UBE3D: variants seen among roughly 807,000 people sequenced by gnomAD.
The protein encoded by UBE3D is E3 ubiquitin-protein ligase E3D.
Under a neutral mutation model 49.6 loss-of-function variants are expected in UBE3D, and 48 were observed. The ratio of observed to expected loss-of-function variants is 0.97; its 90% confidence interval spans 0.77 to 1.23. UBE3D has a LOEUF of 1.23. Among genes scored for constraint, UBE3D ranks in the 50% most tolerant of loss-of-function variants. The pLI, the probability that UBE3D is intolerant of heterozygous loss-of-function variation, is 0.00. For missense variants in UBE3D, 452 were observed against 468.4 expected (o/e 0.96, Z 0.32); for synonymous variants, 189 against 174.2 (o/e 1.08, Z -0.67).
intron 9 of UBE3D, among the ~76,000 whole-genome samples, chr6:82,943,219 C>T (rs902863085): frequency 1.3e-5 from 2 of 152,202 alleles, no homozygotes; most frequent in Non-Finnish European, 2.9e-5. Flanking sequence ...TTACCTAATG[C>T]CTGTAACCCC....
chr6:82,884,317 T>A, the UBE3D span, among the ~76,000 whole-genome samples: 1 of 152,192 alleles, frequency 6.6e-6, no homozygotes, highest in African/African-American at 2.4e-5. Context: ...TAGAGGCACC[T>A]ACACCTCATA....
chr6:83,006,270 T>C (rs1423624441), intron 8 of UBE3D, among the ~76,000 whole-genome samples: 1 of 152,132 alleles, frequency 6.6e-6, no homozygotes, highest in Non-Finnish European at 1.5e-5. Flanking sequence ...TGTTATGGAC[T>C]GAATTGTGTC....
At chr6:82,985,950 G>A (rs1582553216) in intron 8 of UBE3D, among the ~76,000 whole-genome samples, 1 of 151,916 alleles carries the variant, frequency 6.6e-6, no homozygotes, top group South Asian at 2.1e-4. Context: ...ATATCTGATA[G>A]GGCTAGTCCT....
chr6:83,025,765 C>T (rs538718063), intron 5 of UBE3D, among the ~76,000 whole-genome samples: 16 of 151,854 alleles, frequency 1.1e-4, no homozygotes, highest in Admixed American at 5.9e-4. Flanking sequence ...CACCTGTAGT[C>T]CCAGCTACTC....
intron 3 of UBE3D, among the ~76,000 whole-genome samples, chr6:83,046,357 A>C (rs759755934): frequency 6.6e-6 from 1 of 152,114 alleles, no homozygotes; most frequent in Non-Finnish European, 1.5e-5. Context: ...CAGAGGACAA[A>C]GCTAGAAACA....
intron 9 of UBE3D, among the ~76,000 whole-genome samples, chr6:82,931,351 C>T (rs994886944): frequency 2.0e-5 from 3 of 152,228 alleles, no homozygotes; most frequent in African/African-American, 7.2e-5. Flanking sequence ...CCCACTGGTG[C>T]ACCACCTGGT....
intron 9 of UBE3D, among the ~76,000 whole-genome samples, chr6:82,925,562 T>C (rs577668420): frequency 6.6e-6 from 1 of 152,254 alleles, no homozygotes; most frequent in African/African-American, 2.4e-5. Flanking sequence ...GGAAGGGAAG[T>C]ATCTGTCTTT....
intron 5 of UBE3D, among the ~76,000 whole-genome samples, chr6:83,028,031 A>G (rs1781605395): frequency 6.6e-6 from 1 of 152,184 alleles, no homozygotes; most frequent in African/African-American, 2.4e-5. Context: ...AGTTGTATCT[A>G]ATCTGGTGTT....
intron 8 of UBE3D, among the ~76,000 whole-genome samples, chr6:83,010,684 C>T (rs543223433): frequency 1.6e-3 from 249 of 152,210 alleles, no homozygotes; most frequent in African/African-American, 5.6e-3. Flanking sequence ...AAGCTAGTCC[C>T]AAAGCTGAAG....
At chr6:83,064,283 G>A (rs1365805784) in intron 1 of UBE3D, among the ~76,000 whole-genome samples, 5 of 151,988 alleles carry the variant, frequency 3.3e-5, no homozygotes, top group Non-Finnish European at 7.4e-5. Context: ...AACTGCAGTG[G>A]CGCGATCTCA....
intron 5 of UBE3D, among the ~76,000 whole-genome samples, chr6:83,029,740 G>A (rs935792517): frequency 6.6e-6 from 1 of 152,186 alleles, no homozygotes; most frequent in African/African-American, 2.4e-5. Context: ...TATTGGTTGG[G>A]ATAGCAGTCA....
At chr6:82,989,977 T>A (rs1275457105) in intron 8 of UBE3D, among the ~76,000 whole-genome samples, 1 of 152,208 alleles carries the variant, frequency 6.6e-6, no homozygotes, top group African/African-American at 2.4e-5. Flanking sequence ...CACACATACA[T>A]ATGCATAATT....
intron 1 of UBE3D, among the ~76,000 whole-genome samples, chr6:83,063,533 A>G (rs1784312708): frequency 6.6e-6 from 1 of 152,038 alleles, no homozygotes. Context: ...AGTATAAAGA[A>G]CTCTCAATTA....
chr6:83,028,728 G>T (rs1409073770), intron 5 of UBE3D, among the ~76,000 whole-genome samples: 3 of 152,014 alleles, frequency 2.0e-5, no homozygotes, highest in African/African-American at 7.2e-5. Flanking sequence ...CCTTCCTGTA[G>T]TTTCCAGTTA....
chr6:83,057,773 T>C, intron 2 of UBE3D, 53 bp downstream of exon 2: 2 of 1,573,446 alleles, frequency 1.3e-6, no homozygotes, highest in South Asian at 2.3e-5. Context: ...AAAATCACCT[T>C]TGGTTTATAA....
chr6:83,046,405 T>G (rs1390643069), intron 3 of UBE3D, among the ~76,000 whole-genome samples: 2 of 152,146 alleles, frequency 1.3e-5, no homozygotes, highest in African/African-American at 4.8e-5. Context: ...GGAAGAACTT[T>G]TCCTTTGAAA....
rs1449328513 is a variant in UBE3D, at chr6:83,065,821, C to G, written c.-103G>C. The G allele has an allele frequency of 3.3e-6, 4 of 1,226,658 alleles. No homozygotes were observed. Among genetic ancestry groups the G allele is most frequent in the Middle Eastern group, 2.6e-4 (1 of 3,846 alleles). The allele number at this position is 1,226,658 out of a possible 1,614,324, so 76.0% of individuals were successfully genotyped here. A position where few individuals can be genotyped will look rare whatever the true frequency, so the allele number is the denominator to read the frequency against. On this transcript the variant is annotated 5_prime_UTR_variant, in exon 1 of 10. Coordinates refer to ENST00000369747, the MANE Select transcript of UBE3D (RefSeq NM_198920.3). The stretch of plus-strand genomic sequence containing the variant: ...CGTGCGGACCAACCAGCGGCAGCCC[C>G]GCTGCGGCGCAGGCGCCTGTGCCAG...
intron 9 of UBE3D, among the ~76,000 whole-genome samples, chr6:82,893,411 C>T (rs974578812): frequency 3.3e-5 from 5 of 152,160 alleles, no homozygotes; most frequent in African/African-American, 9.7e-5. Flanking sequence ...TCTGGGTCCT[C>T]ATCCCTATAG....
At chr6:82,936,924 C>T (rs2127750735) in intron 9 of UBE3D, among the ~76,000 whole-genome samples, 1 of 152,290 alleles carries the variant, frequency 6.6e-6, no homozygotes, top group South Asian at 2.1e-4. Flanking sequence ...AATGAAAACA[C>T]TAGGGTATAG....
Sources: gnomAD v4.1 joint callset for allele counts (sites outside exome capture counted in the v4.1 genomes callset) on GRCh38, gnomAD v4.1.1 for gene constraint, MANE v1.5 for transcripts, NCBI Gene and HGNC (gene_info 2026-07-23, HGNC 2026-07-21) for gene names.